The following XIRP2 variants were observed in gnomAD, a reference collection of about 807,000 sequenced individuals.
XIRP2 encodes xin actin binding repeat containing 2.
A neutral mutation model predicts 277.0 loss-of-function variants in XIRP2; 236 were observed. The observed-to-expected ratio is 0.85, with a 90% CI of 0.77 to 0.95. The LOEUF is 0.95. Among genes scored for constraint, XIRP2 ranks in the 40% least tolerant of loss-of-function variants. The probability of loss-of-function intolerance (pLI) is 0.00; values close to 1 mark genes in which losing one functional copy is unlikely to be tolerated. For missense variants in XIRP2, 4,640 were observed against 4,157.5 expected, an observed-to-expected ratio of 1.12 and a Z score of -3.19; for synonymous variants, 1,490 against 1,416.5, an observed-to-expected ratio of 1.05 and a Z score of -1.17.
intron 5 of XIRP2, among the ~76,000 whole-genome samples, chr2:167,235,449 G>T (rs968533268): frequency 1.3e-5 from 2 of 151,842 alleles, no homozygotes; most frequent in Non-Finnish European, 2.9e-5. Flanking sequence ...CTAAAAAAAA[G>T]TGACTACTGT....
At chr2:167,118,122 G>A (rs1217530107) in intron 2 of XIRP2, among the ~76,000 whole-genome samples, 1 of 152,074 alleles carries the variant, frequency 6.6e-6, no homozygotes, top group Admixed American at 6.6e-5. Flanking sequence ...GTCTTGAGAG[G>A]TGTGGCCTTT....
chr2:166,950,824 G>A (rs1446215973), intron 2 of XIRP2, among the ~76,000 whole-genome samples: 2 of 152,000 alleles, frequency 1.3e-5, no homozygotes, highest in Admixed American at 1.3e-4. Flanking sequence ...GGATATCACT[G>A]ATTATTCAAA....
intron 2 of XIRP2, among the ~76,000 whole-genome samples, chr2:167,023,105 C>T (rs1002049768): frequency 1.3e-5 from 2 of 152,180 alleles, no homozygotes; most frequent in Non-Finnish European, 2.9e-5. Context: ...TCCACATCCC[C>T]TCCAGCACCT....
rs746369776 is a variant in XIRP2 at position 167,248,222 on chromosome 2, A to G, written c.6830A>G (p.Asn2277Ser). The G allele has an allele frequency of 1.2e-6, 2 of 1,613,616 alleles. No individual in the cohort carries two copies. The highest frequency in any genetic ancestry group is 3.3e-5 in the Admixed American group (2 of 59,966). The change falls in exon 9 of 11, where the codon AAC becomes AGC. Residue 2277 changes from asparagine (N) to serine (S), a missense_variant. Transcript: ENST00000409195. ...MERSLNPINF[N>S]PENNVKESEC... ...AGGTCCTTGAATCCAATCAACTTTA[A>G]CCCTGAGAATAATGTAAAAGAAAGT... is the stretch of plus-strand genomic sequence containing the variant.
At chr2:167,171,081 G>A in intron 3 of XIRP2, among the ~76,000 whole-genome samples, 1 of 151,576 alleles carries the variant, frequency 6.6e-6, no homozygotes, top group Middle Eastern at 3.2e-3. Context: ...TGTATTTTTA[G>A]TAGAGAAGGA....
At chr2:167,080,151 G>T (rs950190998) in intron 2 of XIRP2, among the ~76,000 whole-genome samples, 1 of 152,114 alleles carries the variant, frequency 6.6e-6, no homozygotes, top group African/African-American at 2.4e-5. Flanking sequence ...GAAAATAAAT[G>T]GCGAAAAGTG....
chr2:167,227,609 A>T (rs1383638148), intron 5 of XIRP2, among the ~76,000 whole-genome samples: 1 of 152,092 alleles, frequency 6.6e-6, no homozygotes, highest in South Asian at 2.1e-4. Context: ...CAGGAGGCTG[A>T]GGTGGAAGGA....
chr2:167,250,929 T>C lies in XIRP2; in HGVS notation c.9537T>C (p.Ser3179=). The C allele has an allele frequency of 6.2e-7, 1 of 1,613,478 alleles. No individual in the cohort carries two copies. The highest frequency in any genetic ancestry group is 8.5e-7 in the Non-Finnish European group (1 of 1,179,700). ...NTSPSPPRSR[S]EQLVRLKDTT... is the part of the protein sequence containing the mutation. ...CCCCTTCTCCACCCAGGAGTCGCTCTGAACAACTTGTCAGACTCAAAGACA... is the reference window on the plus strand; with the variant it reads ...CCCCTTCTCCACCCAGGAGTCGCTCCGAACAACTTGTCAGACTCAAAGACA... Residue 3179 remains serine, a synonymous_variant, in exon 9 of 11, where the codon TCT becomes TCC. Transcript: ENST00000409195.
chr2:167,023,959 G>T (rs1198577722), intron 2 of XIRP2, among the ~76,000 whole-genome samples: 1 of 152,034 alleles, frequency 6.6e-6, no homozygotes, highest in African/African-American at 2.4e-5. Context: ...GGTTCCATAT[G>T]AACTTTAAAT....
chr2:167,198,376 A>T (rs1693582029), intron 3 of XIRP2, among the ~76,000 whole-genome samples: 1 of 152,178 alleles, frequency 6.6e-6, no homozygotes, highest in South Asian at 2.1e-4. Flanking sequence ...CCTGTTCTAA[A>T]TTTTTTAAAA....
At chr2:166,958,301 C>T (rs536686289) in intron 2 of XIRP2, among the ~76,000 whole-genome samples, 240 of 151,918 alleles carry the variant, frequency 1.6e-3, no homozygotes, top group Non-Finnish European at 2.6e-3. Flanking sequence ...TCAGATGACT[C>T]AATTGCAGAG....
At chr2:167,190,274 C>T (rs574575042) in intron 3 of XIRP2, among the ~76,000 whole-genome samples, 1 of 152,202 alleles carries the variant, frequency 6.6e-6, no homozygotes, top group Non-Finnish European at 1.5e-5. Context: ...CAATCTCCAC[C>T]TCTCTGTTCT....
Position 167,206,052 on chromosome 2 carries a change from G to C in XIRP2, c.563-4683G>C, listed in dbSNP as rs77518731. On this transcript the variant is annotated intron_variant, in intron 3 of 10. Coordinates refer to ENST00000409195, the MANE Select transcript of XIRP2 (RefSeq NM_152381.6). ...GGTTCTCTAATTACCTTTAGTGTTC[G>C]GCGTTGTAAAGGAAATATCTAAGGA... Among the ~76,000 whole-genome samples the C allele has an allele frequency of 9.3e-3, 1,416 of 152,086 alleles. 43 individuals are homozygous for C. The East Asian group carries it at 0.1, about 11-fold the overall frequency.
At chr2:167,195,707 A>G (rs1350648825) in intron 3 of XIRP2, among the ~76,000 whole-genome samples, 1 of 152,232 alleles carries the variant, frequency 6.6e-6, no homozygotes, top group Non-Finnish European at 1.5e-5. Flanking sequence ...AAGCCAGTGA[A>G]ATGGCGCAAT....
intron 2 of XIRP2, among the ~76,000 whole-genome samples, chr2:167,120,098 C>A (rs576712228): frequency 6.6e-5 from 10 of 152,218 alleles, no homozygotes; most frequent in African/African-American, 2.4e-4. Context: ...CACGGTGGGG[C>A]TGGTTTCCAT....
intron 2 of XIRP2, among the ~76,000 whole-genome samples, chr2:166,917,644 C>A (rs1574077443): frequency 6.6e-6 from 1 of 151,812 alleles, no homozygotes; most frequent in East Asian, 1.9e-4. Context: ...AAGCCAGTAA[C>A]CATACAAGGA....
rs1687143057 is a variant in XIRP2, at chr2:166,908,314, G to T, written c.408+4424G>T. Among the ~76,000 whole-genome samples, 5 of 152,138 alleles carry T rather than the reference G, an allele frequency of 3.3e-5. No individual in the cohort carries two copies. In the South Asian group the frequency reaches 1.0e-3, roughly 32 times the overall value. On this transcript the variant is annotated intron_variant, in intron 2 of 10. Coordinates refer to ENST00000409195, the MANE Select transcript of XIRP2 (RefSeq NM_152381.6). ...ATTTTAATGATCACCATTCTAACTG[G>T]TGTGAGATGGTATCTCATTGTGGTT...
intron 5 of XIRP2, among the ~76,000 whole-genome samples, chr2:167,236,557 C>A (rs1425852368): frequency 6.6e-6 from 1 of 151,978 alleles, no homozygotes; most frequent in African/African-American, 2.4e-5. Context: ...AGAGCATATA[C>A]ATCATCTCTT....
chr2:167,162,594 C>T (rs1278784862), intron 3 of XIRP2, among the ~76,000 whole-genome samples: 4 of 152,148 alleles, frequency 2.6e-5, no homozygotes, highest in Admixed American at 2.6e-4. Context: ...TGGGTCCCTC[C>T]CACAACATAT....
Sources: allele counts gnomAD v4.1 joint callset (sites outside exome capture counted in the v4.1 genomes callset), GRCh38; gene constraint gnomAD v4.1.1; transcripts MANE v1.5; gene names NCBI Gene and HGNC (gene_info 2026-07-23, HGNC 2026-07-21).